The following PIP4P2 variants were observed in gnomAD, a reference collection of about 807,000 sequenced individuals.
PIP4P2 encodes type 2 phosphatidylinositol 4,5-bisphosphate 4-phosphatase.
A neutral mutation model predicts 33.3 loss-of-function variants in PIP4P2; 19 were observed. The ratio of observed to expected loss-of-function variants is 0.57; its 90% confidence interval spans 0.40 to 0.84. The LOEUF is 0.84. Among genes scored for constraint, PIP4P2 ranks in the 40% least tolerant of loss-of-function variants. The probability of loss-of-function intolerance (pLI) is 0.00; values close to 1 mark genes in which losing one functional copy is unlikely to be tolerated. For synonymous variants in PIP4P2, 110 were observed against 111.9 expected, an observed-to-expected ratio of 0.98 and a Z score of 0.11; for missense variants, 270 against 324.7, an observed-to-expected ratio of 0.83 and a Z score of 1.29.
chr8:91,024,139 A>G (rs1812049830), intron 1 of PIP4P2: 4 of 218,490 alleles, frequency 1.8e-5, no homozygotes, highest in South Asian at 1.7e-4. Flanking sequence ...CAAGAGATCA[A>G]TAGAATGACA....
At chr8:91,008,468 C>T (rs573338979) in intron 5 of PIP4P2, among the ~76,000 whole-genome samples, 1 of 152,164 alleles carries the variant, frequency 6.6e-6, no homozygotes, top group East Asian at 1.9e-4. Flanking sequence ...TTATAATATC[C>T]TAACCAGGTT....
intron 4 of PIP4P2, among the ~76,000 whole-genome samples, chr8:91,011,374 A>G (rs74380796): frequency 0.1 from 15,479 of 152,066 alleles, 910 homozygotes; most frequent in African/African-American, 0.16. Flanking sequence ...GTGTTAAGAA[A>G]CTTCTTTGCA....
chr8:91,008,254 T>C (rs755698151), intron 5 of PIP4P2, among the ~76,000 whole-genome samples: 36 of 152,134 alleles, frequency 2.4e-4, no homozygotes, highest in Non-Finnish European at 4.7e-4. Context: ...TTTCATTAGG[T>C]GCATCATTTA....
At chr8:91,040,235 C>T (rs1359584875) in intron 1 of PIP4P2, among the ~76,000 whole-genome samples, 1 of 152,190 alleles carries the variant, frequency 6.6e-6, no homozygotes, top group Admixed American at 6.5e-5. Flanking sequence ...CTCCTGGTTT[C>T]TCAGCAACGG....
rs574015768 is a variant in PIP4P2, at chr8:91,023,147, C to T, written c.107-1743G>A. Among the ~76,000 whole-genome samples the T allele has an allele frequency of 6.6e-5, 10 of 151,454 alleles. No homozygotes were observed. In the East Asian group the frequency reaches 1.9e-3, roughly 29 times the overall value. Reference sequence around the variant, plus strand: ...ATTATTCTTGGGGAAAGAATATGTACCTCACTAGAAATTCAAGACACACTG... The same window carrying T: ...ATTATTCTTGGGGAAAGAATATGTATCTCACTAGAAATTCAAGACACACTG... On this transcript the variant is annotated intron_variant, in intron 1 of 6. Coordinates refer to ENST00000285419, the MANE Select transcript of PIP4P2 (RefSeq NM_018710.3).
At chr8:91,012,416 T>C (rs1179780739) in intron 4 of PIP4P2, among the ~76,000 whole-genome samples, 1 of 151,984 alleles carries the variant, frequency 6.6e-6, no homozygotes, top group East Asian at 1.9e-4. Flanking sequence ...TTATGAAGAA[T>C]ATAAGATTAG....
intron 1 of PIP4P2, among the ~76,000 whole-genome samples, chr8:91,036,564 A>T (rs1429243792): frequency 6.6e-6 from 1 of 151,998 alleles, no homozygotes; most frequent in East Asian, 1.9e-4. Flanking sequence ...CATCTCTACC[A>T]CCACCTGAGT....
At chr8:91,029,277 T>G (rs1812124997) in intron 1 of PIP4P2, among the ~76,000 whole-genome samples, 2 of 150,262 alleles carry the variant, frequency 1.3e-5, no homozygotes, top group Admixed American at 6.6e-5. Context: ...GGCTACAGAG[T>G]GAGACTCTGT....
At chr8:91,034,572 C>T (rs1457105918) in intron 1 of PIP4P2, among the ~76,000 whole-genome samples, 1 of 152,186 alleles carries the variant, frequency 6.6e-6, no homozygotes, top group South Asian at 2.1e-4. Flanking sequence ...CTCATATTTG[C>T]CAAGGCCCTG....
chr8:91,020,736 C>A (rs1811996661), intron 2 of PIP4P2, among the ~76,000 whole-genome samples: 1 of 152,086 alleles, frequency 6.6e-6, no homozygotes, highest in South Asian at 2.1e-4. Flanking sequence ...AAATTACTAT[C>A]AACTAAATTG....
intron 4 of PIP4P2, among the ~76,000 whole-genome samples, chr8:91,011,783 T>C (rs1811840813): frequency 6.6e-6 from 1 of 152,002 alleles, no homozygotes; most frequent in Non-Finnish European, 1.5e-5. Flanking sequence ...TGTGAATTCC[T>C]AGAAAATTTA....
intron 2 of PIP4P2, among the ~76,000 whole-genome samples, chr8:91,020,598 A>T (rs529928949): frequency 2.6e-4 from 40 of 152,218 alleles, no homozygotes; most frequent in Non-Finnish European, 5.1e-4. Flanking sequence ...AATATATTTC[A>T]TCTAAACCAG....
In PIP4P2 at chr8:90,995,503, T is replaced by C. The variant is rs1269674994; in HGVS notation, c.*174A>G. 5 of 645,070 alleles carry C rather than the reference T, an allele frequency of 7.8e-6. No homozygotes were observed. The highest frequency in any genetic ancestry group is 7.3e-5 in the South Asian group (1 of 13,688). 40.0% of individuals were successfully genotyped at this position (645,070 alleles called of 1,614,324 possible). A position where few individuals can be genotyped will look rare whatever the true frequency, so the allele number is the denominator to read the frequency against. On this transcript the variant is annotated 3_prime_UTR_variant, in exon 7 of 7. Coordinates refer to ENST00000285419, the MANE Select transcript of PIP4P2 (RefSeq NM_018710.3). The stretch of plus-strand genomic sequence containing the variant: ...TTTTGAAAACCTAGCAGCAAAACAA[T>C]TTGCATATAATATAGTGCAATGAGC...
At chr8:91,022,466 T>C (rs537585990) in intron 1 of PIP4P2, among the ~76,000 whole-genome samples, 5 of 152,166 alleles carry the variant, frequency 3.3e-5, no homozygotes, top group Admixed American at 6.6e-5. Flanking sequence ...TCTGTAACTA[T>C]CTCAACTACA....
At position 91,040,850 on chromosome 8, in the gene PIP4P2, A is replaced by T. The variant is rs915358683; in HGVS notation, c.-101T>A. ...CCTCTGCTGCCGCTGCTGCCGCTGC[A>T]GCTGCTGCTGCTGCCGCCTCCGGGA... is the stretch of plus-strand genomic sequence containing the variant. On this transcript the variant is annotated 5_prime_UTR_variant, in exon 1 of 7. Coordinates refer to ENST00000285419, the MANE Select transcript of PIP4P2 (RefSeq NM_018710.3). 32 of 1,019,580 alleles carry T rather than the reference A, an allele frequency of 3.1e-5. No homozygotes were observed. The highest frequency in any genetic ancestry group is 4.1e-5 in the South Asian group (3 of 73,580). The allele number at this position is 1,019,580 out of a possible 1,614,324, so 63.2% of individuals were successfully genotyped here. A position where few individuals can be genotyped will look rare whatever the true frequency, so the allele number is the denominator to read the frequency against.
intron 4 of PIP4P2, among the ~76,000 whole-genome samples, chr8:91,010,433 ATTG>A (rs1441869943): frequency 2.6e-5 from 4 of 151,892 alleles, no homozygotes; most frequent in Non-Finnish European, 4.4e-5. Context: ...GCCTAAGGAG[ATTG>A]TTTAGTCCAA....
In PIP4P2 at chr8:90,995,408, A is replaced by G; in HGVS notation, c.*269T>C. Reference sequence around the variant, plus strand: ...TAATAAAAGGGTGAGAGTAAATGTAATGTTTGGTAACAAATCCAAAAATAT... The same window carrying G: ...TAATAAAAGGGTGAGAGTAAATGTAGTGTTTGGTAACAAATCCAAAAATAT... On this transcript the variant is annotated 3_prime_UTR_variant, in exon 7 of 7. Coordinates refer to ENST00000285419, the MANE Select transcript of PIP4P2 (RefSeq NM_018710.3). 4.2e-6 allele frequency: 1 copy of G among 238,570 alleles called. No individual in the cohort carries two copies. The highest frequency in any genetic ancestry group is 1.4e-3 in the Middle Eastern group (1 of 740). 14.8% of individuals were successfully genotyped at this position (238,570 alleles called of 1,614,324 possible).
chr8:91,023,320 G>A (rs1162604735), intron 1 of PIP4P2, among the ~76,000 whole-genome samples: 2 of 151,932 alleles, frequency 1.3e-5, no homozygotes, highest in African/African-American at 4.8e-5. Flanking sequence ...TACACAGTAT[G>A]ATAGAAAGGA....
intron 5 of PIP4P2, among the ~76,000 whole-genome samples, chr8:91,001,745 A>G (rs537928737): frequency 3.9e-5 from 6 of 152,180 alleles, no homozygotes; most frequent in African/African-American, 1.4e-4. Context: ...AATGTTGATT[A>G]TGCTTCTGGA....
Sources: allele counts gnomAD v4.1 joint callset (sites outside exome capture counted in the v4.1 genomes callset), GRCh38; gene constraint gnomAD v4.1.1; transcripts MANE v1.5; gene names NCBI Gene and HGNC (gene_info 2026-07-23, HGNC 2026-07-21).